The following SLC29A3 variants were observed in gnomAD, a reference collection of about 807,000 sequenced individuals.
SLC29A3 encodes the protein solute carrier family 29 member 3.
Under a neutral mutation model 25.4 loss-of-function variants are expected in SLC29A3, and 18 were observed. The observed-to-expected ratio is 0.71, with a 90% CI of 0.49 to 1.05. SLC29A3 has a LOEUF of 1.05. SLC29A3 is among the 50% of genes least tolerant of loss of function. SLC29A3 has a pLI of 0.00. For synonymous variants in SLC29A3, 258 were observed against 267.1 expected, an observed-to-expected ratio of 0.97 and a Z score of 0.33; for missense variants, 586 against 609.0, an observed-to-expected ratio of 0.96 and a Z score of 0.40.
chr10:71,336,017 A>G (rs1299627630), intron 2 of SLC29A3, among the ~76,000 whole-genome samples: 1 of 152,180 alleles, frequency 6.6e-6, no homozygotes, highest in Non-Finnish European at 1.5e-5. Flanking sequence ...CTGGAAGGAC[A>G]TTGCATTAGT....
intron 2 of SLC29A3, among the ~76,000 whole-genome samples, chr10:71,340,833 G>A (rs1326201282): frequency 3.9e-5 from 6 of 152,188 alleles, no homozygotes; most frequent in Admixed American, 2.0e-4. Flanking sequence ...GACCTTCGCC[G>A]CTGGTTTCTT....
chr10:71,343,018 T>C (rs1217526564), intron 2 of SLC29A3, among the ~76,000 whole-genome samples: 3 of 152,334 alleles, frequency 2.0e-5, no homozygotes, highest in East Asian at 1.9e-4. Flanking sequence ...CTCACTCTGT[T>C]GCCCAGGCTA....
chr10:71,325,008 A>G (rs1538895), intron 2 of SLC29A3, among the ~76,000 whole-genome samples: 88,585 of 152,064 alleles, frequency 0.58, 28,769 homozygotes, highest in African/African-American at 0.89. Context: ...ACTTGAGAGC[A>G]CGGGGAGGCA....
chr10:71,319,452 T>C, intron 1 of SLC29A3, 142 bp downstream of exon 1: 1 of 456,322 alleles, frequency 2.2e-6, no homozygotes, highest in Non-Finnish European at 3.9e-6. Context: ...CGTGGTCCCT[T>C]CCCCACCGTC....
intron 5 of SLC29A3, among the ~76,000 whole-genome samples, chr10:71,356,845 A>G (rs959958868): frequency 2.0e-5 from 3 of 152,084 alleles, no homozygotes; most frequent in African/African-American, 7.2e-5. Context: ...CAAACAAACA[A>G]AAGACAAACT....
In SLC29A3 at chr10:71,355,666, C is replaced by T. The variant is rs373419947; in HGVS notation, c.611-415C>T. ...AGTTTGGTTGGTGGGTACTTTGGGC[C>T]GGGGGCAGAGAAGAGGAAATCCAGA... On this transcript the variant is annotated intron_variant, in intron 4 of 5. Transcript: ENST00000373189. Among the ~76,000 whole-genome samples the T allele has an allele frequency of 1.4e-4, 22 of 152,206 alleles. No homozygotes were observed. The South Asian group carries it at 2.7e-3, about 19-fold the overall frequency.
intron 2 of SLC29A3, among the ~76,000 whole-genome samples, chr10:71,343,169 C>T (rs929507369): frequency 6.6e-6 from 1 of 152,160 alleles, no homozygotes; most frequent in African/African-American, 2.4e-5. Context: ...GACAGAGTCT[C>T]ACTATTTGCC....
chr10:71,332,337 A>G (rs894512561), intron 2 of SLC29A3, among the ~76,000 whole-genome samples: 5 of 151,660 alleles, frequency 3.3e-5, no homozygotes, highest in Non-Finnish European at 2.9e-5. Flanking sequence ...TTTGGTAGAG[A>G]TGGGGTTTCA....
At chr10:71,340,982 G>A (rs1402503474) in intron 2 of SLC29A3, among the ~76,000 whole-genome samples, 2 of 152,204 alleles carry the variant, frequency 1.3e-5, no homozygotes, top group Non-Finnish European at 2.9e-5. Context: ...CAGCTTTGCA[G>A]CAGCACACAC....
chr10:71,327,499 G>A (rs1845999544), intron 2 of SLC29A3, among the ~76,000 whole-genome samples: 1 of 152,190 alleles, frequency 6.6e-6, no homozygotes, highest in Admixed American at 6.5e-5. Context: ...GGTATTGCAT[G>A]TGTTGTTTCT....
At chr10:71,357,377 T>C (rs1846942646) in intron 5 of SLC29A3, among the ~76,000 whole-genome samples, 2 of 151,552 alleles carry the variant, frequency 1.3e-5, no homozygotes, top group African/African-American at 4.9e-5. Context: ...ATCGCACCCC[T>C]GCACTCCAGC....
At chr10:71,360,839 A>G (rs1847036564) in intron 5 of SLC29A3, among the ~76,000 whole-genome samples, 1 of 152,238 alleles carries the variant, frequency 6.6e-6, no homozygotes, top group African/African-American at 2.4e-5. Context: ...GTGAACCATC[A>G]TAGAGTAACA....
intron 2 of SLC29A3, among the ~76,000 whole-genome samples, chr10:71,325,621 C>T (rs1424341674): frequency 6.6e-6 from 1 of 152,148 alleles, no homozygotes; most frequent in African/African-American, 2.4e-5. Context: ...ACAGATGCCT[C>T]CCAGGGCCAG....
chr10:71,356,051 C>G (rs1846896739), intron 4 of SLC29A3, 30 bp from the exon 5 acceptor site: 18 of 1,612,548 alleles, frequency 1.1e-5, no homozygotes, highest in Non-Finnish European at 1.5e-5. Context: ...CCACCCCTCA[C>G]CATCTCTGCG....
chr10:71,319,909 G>C (rs749394146), intron 1 of SLC29A3, among the ~76,000 whole-genome samples: 8 of 152,188 alleles, frequency 5.3e-5, no homozygotes, highest in Non-Finnish European at 1.0e-4. Flanking sequence ...CTGTCTGTCT[G>C]TGCATGGCCG....
intron 2 of SLC29A3, among the ~76,000 whole-genome samples, chr10:71,336,086 G>A (rs1230540520): frequency 6.6e-6 from 1 of 152,192 alleles, no homozygotes; most frequent in Non-Finnish European, 1.5e-5. Flanking sequence ...CAAGGCTCTA[G>A]GGAATAACAT....
intron 4 of SLC29A3, among the ~76,000 whole-genome samples, chr10:71,353,214 A>G (rs1003477349): frequency 6.6e-6 from 1 of 152,222 alleles, no homozygotes; most frequent in Non-Finnish European, 1.5e-5. Flanking sequence ...AGATCAGATT[A>G]GGCTTCTGGC....
intron 2 of SLC29A3, among the ~76,000 whole-genome samples, chr10:71,327,005 G>T (rs1845987650): frequency 6.6e-6 from 1 of 152,224 alleles, no homozygotes; most frequent in Non-Finnish European, 1.5e-5. Flanking sequence ...TTCCCTGTGA[G>T]AGGCTGCCCG....
chr10:71,379,415 C>G (rs1400607331), intron 4 of SLC29A3, among the ~76,000 whole-genome samples: 2 of 152,212 alleles, frequency 1.3e-5, no homozygotes, highest in Non-Finnish European at 1.5e-5. Context: ...ATGTCCCAAA[C>G]AGGCCAGTTC....
Sources: gnomAD v4.1 joint callset for allele counts (sites outside exome capture counted in the v4.1 genomes callset) on GRCh38, gnomAD v4.1.1 for gene constraint, MANE v1.5 for transcripts, NCBI Gene and HGNC (gene_info 2026-07-23, HGNC 2026-07-21) for gene names.